RPL22: variants seen among roughly 807,000 people sequenced by gnomAD.
The protein encoded by RPL22 is large ribosomal subunit protein eL22.
Under a neutral mutation model 16.2 loss-of-function variants are expected in RPL22, and 4 were observed. The observed-to-expected ratio is 0.25, with a 90% CI of 0.12 to 0.57. The LOEUF is 0.57. Among genes scored for constraint, RPL22 ranks in the 20% least tolerant of loss-of-function variants. RPL22 has a pLI of 0.92. For missense variants in RPL22, 83 were observed against 156.1 expected, an observed-to-expected ratio of 0.53 and a Z score of 2.49; for synonymous variants, 43 against 54.8, an observed-to-expected ratio of 0.78 and a Z score of 0.95.
At chr1:6,194,113 G>A (rs1396341595) in intron 2 of RPL22, among the ~76,000 whole-genome samples, 1 of 152,172 alleles carries the variant, frequency 6.6e-6, no homozygotes, top group Non-Finnish European at 1.5e-5. Context: ...GGCTGAGACA[G>A]GAGAATCCCT....
At chr1:6,189,328 A>C (rs1325453142) in intron 3 of RPL22, among the ~76,000 whole-genome samples, 1 of 152,228 alleles carries the variant, frequency 6.6e-6, no homozygotes, top group Non-Finnish European at 1.5e-5. Context: ...TTCCATCTAA[A>C]AAGTATACTT....
chr1:6,190,381 TTTTG>T (rs1361747271), intron 3 of RPL22, among the ~76,000 whole-genome samples: 4 of 152,330 alleles, frequency 2.6e-5, no homozygotes, highest in South Asian at 2.1e-4. Context: ...GTTGGTTTTC[TTTTG>T]TTTGTTTTTT....
chr1:6,199,032 A>AC (rs1280663693), intron 1 of RPL22: 4 of 153,294 alleles, frequency 2.6e-5, no homozygotes, highest in Non-Finnish European at 5.8e-5. Context: ...CACCACTGCA[A>AC]CACCCGTTTG....
In RPL22 at chr1:6,195,481, G is replaced by A. The variant is rs538011321; in HGVS notation, c.117+2171C>T. ...AAAAAAAAATTTGGCTGGGCACAGC[G>A]GTTCATGCTTGTAATCCCGATACTT... On this transcript the variant is annotated intron_variant, in intron 2 of 3. Coordinates refer to ENST00000234875, the MANE Select transcript of RPL22 (RefSeq NM_000983.4). Among the ~76,000 whole-genome samples, 9 of 151,264 alleles carry A rather than the reference G, an allele frequency of 5.9e-5. No homozygotes were observed. The South Asian group carries it at 8.4e-4, about 14-fold the overall frequency.
At chr1:6,187,846 ACC>A (rs1484813987) in intron 3 of RPL22, among the ~76,000 whole-genome samples, 1 of 151,872 alleles carries the variant, frequency 6.6e-6, no homozygotes, top group Non-Finnish European at 1.5e-5. Flanking sequence ...ACGGAGTCAA[ACC>A]CCCTTTTGAG....
chr1:6,187,627 C>CAAAAAAAAAAAAAAAAAAAA (rs1211311688), intron 3 of RPL22, among the ~76,000 whole-genome samples: 5 of 115,508 alleles, frequency 4.3e-5, no homozygotes, highest in Non-Finnish European at 7.1e-5. Context: ...AAAAAAAAAA[C>CAAAAAAAAAAAAAAAAAAAA]AAAAAAAAAA....
At chr1:6,193,497 AT>A (rs1667678241) in intron 2 of RPL22, among the ~76,000 whole-genome samples, 1 of 151,858 alleles carries the variant, frequency 6.6e-6, no homozygotes, top group Non-Finnish European at 1.5e-5. Flanking sequence ...CTAATTTTGT[AT>A]TTTTAGTAGA....
In RPL22 at chr1:6,190,458, G is replaced by A. The variant is rs181294863; in HGVS notation, c.242+2472C>T. On this transcript the variant is annotated intron_variant, in intron 3 of 3. Coordinates refer to ENST00000234875, the MANE Select transcript of RPL22 (RefSeq NM_000983.4). ...TGCAATGGTGCTATCTTGGCTCACC[G>A]CAACCTCCGCCTCCCTGGTTCAAGC... Among the ~76,000 whole-genome samples, 207 of 152,224 alleles carry A rather than the reference G, an allele frequency of 1.4e-3. 1 individual carries two copies. The highest frequency in any genetic ancestry group is 4.6e-3 in the African/African-American group (192 of 41,556).
At chr1:6,187,119 A>G (rs1304230044) in intron 3 of RPL22, among the ~76,000 whole-genome samples, 1 of 152,006 alleles carries the variant, frequency 6.6e-6, no homozygotes, top group Non-Finnish European at 1.5e-5. Flanking sequence ...ACCAGCCTGA[A>G]CAACATGGTG....
chr1:6,197,786 T>A (rs763273312), intron 1 of RPL22, 30 bp from the exon 2 acceptor site: 3 of 1,472,556 alleles, frequency 2.0e-6, no homozygotes, highest in Non-Finnish European at 1.9e-6. Flanking sequence ...ATAACAGAGA[T>A]GAAGTTTCAG....
chr1:6,195,180 T>C (rs1482185268), intron 2 of RPL22, among the ~76,000 whole-genome samples: 1 of 150,600 alleles, frequency 6.6e-6, no homozygotes, highest in Non-Finnish European at 1.5e-5. Context: ...GCGCGGTGGC[T>C]CACGCCTGTA....
intron 3 of RPL22, among the ~76,000 whole-genome samples, chr1:6,187,039 G>GAATA (rs1667590656): frequency 1.3e-5 from 2 of 152,214 alleles, no homozygotes; most frequent in Non-Finnish European, 2.9e-5. Context: ...TCAGCATGGT[G>GAATA]GCTCAGGCCT....
intron 3 of RPL22, among the ~76,000 whole-genome samples, chr1:6,189,334 T>C (rs1667620013): frequency 6.6e-6 from 1 of 152,234 alleles, no homozygotes; most frequent in South Asian, 2.1e-4. Flanking sequence ...CTAAAAAGTA[T>C]ACTTTTGTCA....
At chr1:6,187,310 A>C (rs1315336024) in intron 3 of RPL22, among the ~76,000 whole-genome samples, 3 of 151,602 alleles carry the variant, frequency 2.0e-5, no homozygotes, top group African/African-American at 7.3e-5. Context: ...TGCCTCCAAA[A>C]AAAGAAAAAA....
intron 2 of RPL22, among the ~76,000 whole-genome samples, chr1:6,194,795 G>A (rs550943350): frequency 3.3e-5 from 5 of 152,236 alleles, no homozygotes; most frequent in South Asian, 4.1e-4. Context: ...GGCTGAGGTG[G>A]GAGGATCACT....
chr1:6,188,487 C>T (rs376913258), intron 3 of RPL22, among the ~76,000 whole-genome samples: 6 of 151,366 alleles, frequency 4.0e-5, no homozygotes, highest in Admixed American at 2.0e-4. Context: ...TCTAGGAGTT[C>T]GAGACCAGCC....
chr1:6,192,313 C>T (rs1167795904), intron 3 of RPL22, among the ~76,000 whole-genome samples: 1 of 152,216 alleles, frequency 6.6e-6, no homozygotes, highest in South Asian at 2.1e-4. Context: ...TCCCAAAGTG[C>T]TGGGATTACA....
chr1:6,186,542 A>G lies in RPL22; in HGVS notation c.*130T>C. 1.7e-6 allele frequency: 1 copy of G among 593,512 alleles called. No individual in the cohort carries two copies. Among genetic ancestry groups the G allele is most frequent in the Non-Finnish European group, 2.8e-6 (1 of 356,364 alleles). The allele number at this position is 593,512 out of a possible 1,614,324, so 36.8% of individuals were successfully genotyped here. On this transcript the variant is annotated 3_prime_UTR_variant, in exon 4 of 4. Transcript: ENST00000234875. The stretch of plus-strand genomic sequence containing the variant: ...TTACAAATAAATGAGTGGCGAACCA[A>G]GGGAAGCCCTTTGACTATGATTTCC...
intron 3 of RPL22, among the ~76,000 whole-genome samples, chr1:6,190,625 G>A (rs1667637751): frequency 1.3e-5 from 2 of 152,100 alleles, no homozygotes; most frequent in South Asian, 2.1e-4. Context: ...GTGATCCTCT[G>A]ACCTCGGCCT....
Sources: gnomAD v4.1 joint callset for allele counts (sites outside exome capture counted in the v4.1 genomes callset) on GRCh38, gnomAD v4.1.1 for gene constraint, MANE v1.5 for transcripts, NCBI Gene and HGNC (gene_info 2026-07-23, HGNC 2026-07-21) for gene names.